The following MAGI2 variants were observed in gnomAD, a reference collection of about 807,000 sequenced individuals.
MAGI2 encodes membrane associated guanylate kinase, WW and PDZ domain containing 2.
A neutral mutation model predicts 133.3 loss-of-function variants in MAGI2; 35 were observed. The observed-to-expected ratio is 0.26, with a 90% confidence interval of 0.20 to 0.35. The LOEUF (loss-of-function observed/expected upper bound fraction) is 0.35, where lower values mean the gene tolerates loss of function less well. Among genes scored for constraint, MAGI2 ranks in the 10% least tolerant of loss-of-function variants. The pLI, the probability that MAGI2 is intolerant of heterozygous loss-of-function variation, is 1.00. For synonymous variants in MAGI2, 729 were observed against 710.6 expected, an observed-to-expected ratio of 1.03 and a Z score of -0.41; for missense variants, 1,636 against 1,863.4, an observed-to-expected ratio of 0.88 and a Z score of 2.25.
chr7:78,060,601 G>A (rs1813138948), intron 21 of MAGI2, among the ~76,000 whole-genome samples: 1 of 152,220 alleles, frequency 6.6e-6, no homozygotes, highest in Non-Finnish European at 1.5e-5. Context: ...GACTTCAGAC[G>A]ACTGAGAGAT....
intron 2 of MAGI2, among the ~76,000 whole-genome samples, chr7:78,813,718 A>G (rs988967762): frequency 1.4e-5 from 2 of 147,534 alleles, no homozygotes; most frequent in African/African-American, 5.0e-5. Context: ...CCCGGGAGGC[A>G]GAGCTTGCAG....
rs532709682 is a variant in MAGI2, at chr7:78,117,752, C to T, written c.3567+7942G>A. Among the ~76,000 whole-genome samples the T allele has an allele frequency of 2.6e-5, 4 of 152,150 alleles. No individual in the cohort carries two copies. In the South Asian group the frequency reaches 8.3e-4, roughly 32 times the overall value. On this transcript the variant is annotated intron_variant, in intron 20 of 21. Coordinates refer to ENST00000354212, the MANE Select transcript of MAGI2 (RefSeq NM_012301.4). The stretch of plus-strand genomic sequence containing the variant: ...AATTAGAGAAAATGTGATTTTTATG[C>T]AGAAAATCCAGAGGTAGGTACAGAT...
chr7:78,077,135 T>C (rs1815412088), intron 21 of MAGI2, among the ~76,000 whole-genome samples: 1 of 152,028 alleles, frequency 6.6e-6, no homozygotes, highest in Non-Finnish European at 1.5e-5. Context: ...GCAGGTTAGA[T>C]TAACTTTTTA....
At chr7:78,865,385 G>T (rs1262908429) in intron 2 of MAGI2, among the ~76,000 whole-genome samples, 1 of 152,124 alleles carries the variant, frequency 6.6e-6, no homozygotes, top group Admixed American at 6.5e-5. Context: ...AAATTTGAGG[G>T]ACTGAGGGAA....
intron 21 of MAGI2, among the ~76,000 whole-genome samples, chr7:78,054,187 G>A (rs1335118973): frequency 6.6e-6 from 1 of 152,134 alleles, no homozygotes; most frequent in East Asian, 1.9e-4. Context: ...GTGCAGTGGT[G>A]TGATCTCAGC....
At chr7:79,214,843 AT>A (rs1368423807) in intron 1 of MAGI2, among the ~76,000 whole-genome samples, 1 of 144,428 alleles carries the variant, frequency 6.9e-6, no homozygotes, top group African/African-American at 2.5e-5. Flanking sequence ...AAATTATAAA[AT>A]TTATAAATTT....
At chr7:78,223,009 A>G (rs779613412) in intron 10 of MAGI2, among the ~76,000 whole-genome samples, 3 of 152,208 alleles carry the variant, frequency 2.0e-5, no homozygotes, top group Non-Finnish European at 4.4e-5. Context: ...AAACATGGTT[A>G]TGGGGGGATA....
intron 9 of MAGI2, among the ~76,000 whole-genome samples, chr7:78,323,651 C>A (rs1788242970): frequency 6.6e-6 from 1 of 151,906 alleles, no homozygotes; most frequent in South Asian, 2.1e-4. Context: ...TTGTTTGTTC[C>A]CCCCGGCCCC....
At chr7:79,356,784 C>G (rs1400697714) in intron 1 of MAGI2, among the ~76,000 whole-genome samples, 1 of 152,104 alleles carries the variant, frequency 6.6e-6, no homozygotes, top group Non-Finnish European at 1.5e-5. Context: ...CACAGCATGA[C>G]TGAATATAGG....
chr7:78,530,876 C>A (rs1304263024), intron 3 of MAGI2, among the ~76,000 whole-genome samples: 2 of 152,142 alleles, frequency 1.3e-5, no homozygotes, highest in Non-Finnish European at 2.9e-5. Flanking sequence ...ATGATGCTTG[C>A]ATTTTAATTA....
intron 10 of MAGI2, among the ~76,000 whole-genome samples, chr7:78,250,822 A>G (rs1429395805): frequency 6.6e-6 from 1 of 152,116 alleles, no homozygotes; most frequent in Non-Finnish European, 1.5e-5. Flanking sequence ...AGGAAGAAAT[A>G]ATATCAATCC....
intron 21 of MAGI2, among the ~76,000 whole-genome samples, chr7:78,074,831 G>A (rs1324944749): frequency 6.6e-6 from 1 of 152,204 alleles, no homozygotes; most frequent in African/African-American, 2.4e-5. Flanking sequence ...CTCCTTGTAT[G>A]TAGTGGTCAC....
intron 9 of MAGI2, among the ~76,000 whole-genome samples, chr7:78,288,349 C>T (rs560033883): frequency 6.6e-6 from 1 of 152,274 alleles, no homozygotes; most frequent in African/African-American, 2.4e-5. Flanking sequence ...CATTAAAACT[C>T]AATGTAAACA....
In MAGI2 at chr7:79,426,250, G is replaced by T. The variant is rs369245787; in HGVS notation, c.301+26770C>A. Among the ~76,000 whole-genome samples the T allele has an allele frequency of 5.3e-5, 8 of 152,222 alleles. No homozygotes were observed. The East Asian group carries it at 1.5e-3, about 29-fold the overall frequency. On this transcript the variant is annotated intron_variant, in intron 1 of 21. Coordinates refer to ENST00000354212, the MANE Select transcript of MAGI2 (RefSeq NM_012301.4). ...GACTGAACACTTTCCAAAGATGAAT[G>T]CATAGATCATTAGATCAGAAACATG...
chr7:78,332,348 T>C (rs1789296129), intron 9 of MAGI2, among the ~76,000 whole-genome samples: 1 of 152,236 alleles, frequency 6.6e-6, no homozygotes, highest in Admixed American at 6.5e-5. Context: ...GGTTGGTCTG[T>C]AGCCAAACTC....
chr7:78,315,076 T>C (rs976313998), intron 9 of MAGI2, among the ~76,000 whole-genome samples: 12 of 152,322 alleles, frequency 7.9e-5, no homozygotes, highest in Middle Eastern at 3.4e-3. Context: ...CTGGAGAAGA[T>C]CTGAGACCTA....
chr7:79,168,889 G>GATAGATAT (rs1396243710), intron 1 of MAGI2, among the ~76,000 whole-genome samples: 36 of 14,558 alleles, frequency 2.5e-3, no homozygotes, highest in Admixed American at 4.0e-3. Flanking sequence ...TCTAAAGATA[G>GATAGATAT]ATATATATAT....
intron 2 of MAGI2, among the ~76,000 whole-genome samples, chr7:78,672,287 C>A (rs748835717): frequency 2.0e-5 from 3 of 152,096 alleles, no homozygotes; most frequent in Non-Finnish European, 4.4e-5. Context: ...CTCTCTTGCT[C>A]CCTCTCTTGC....
At chr7:78,839,986 TA>T (rs1452592907) in intron 2 of MAGI2, among the ~76,000 whole-genome samples, 2 of 152,128 alleles carry the variant, frequency 1.3e-5, no homozygotes, top group Non-Finnish European at 2.9e-5. Context: ...ATTGCTGCCA[TA>T]ATTTTATAGG....
Sources: allele counts gnomAD v4.1 joint callset (sites outside exome capture counted in the v4.1 genomes callset), GRCh38; gene constraint gnomAD v4.1.1; transcripts MANE v1.5; gene names NCBI Gene and HGNC (gene_info 2026-07-23, HGNC 2026-07-21).